Variants in LAMP3 observed in about 807,000 individuals in gnomAD.
The protein encoded by LAMP3 is lysosome-associated membrane glycoprotein 3.
Under a neutral mutation model 34.8 loss-of-function variants are expected in LAMP3, and 26 were observed. That is an observed-to-expected ratio of 0.75 (90% confidence interval 0.55 to 1.04). The LOEUF (loss-of-function observed/expected upper bound fraction) is 1.04. Among genes scored for constraint, LAMP3 ranks in the 50% least tolerant of loss-of-function variants. The pLI is 0.00. For synonymous variants in LAMP3, 180 were observed against 201.9 expected (o/e 0.89, Z 0.92); for missense variants, 495 against 524.0 (o/e 0.94, Z 0.54).
chr3:183,126,261 C>T (rs571585781), intron 5 of LAMP3, among the ~76,000 whole-genome samples: 3 of 117,840 alleles, frequency 2.5e-5, no homozygotes, highest in African/African-American at 9.7e-5. Context: ...AACAGAAGTT[C>T]CTTAAGCTCC....
chr3:183,136,544 G>T (rs1039436897), intron 4 of LAMP3, among the ~76,000 whole-genome samples: 2 of 151,904 alleles, frequency 1.3e-5, no homozygotes, highest in Non-Finnish European at 2.9e-5. Context: ...CCAGCTACTC[G>T]GGAGGCTGAG....
At chr3:183,143,353 T>G (rs1480156145) in intron 3 of LAMP3, among the ~76,000 whole-genome samples, 1 of 152,208 alleles carries the variant, frequency 6.6e-6, no homozygotes, top group Non-Finnish European at 1.5e-5. Flanking sequence ...CCTCAAGAGA[T>G]CTTCCCTACT....
intron 1 of LAMP3, 41 bp downstream of exon 1, chr3:183,162,566 A>T (rs1016139142): frequency 6.5e-7 from 1 of 1,542,788 alleles, no homozygotes; most frequent in African/African-American, 1.4e-5. Flanking sequence ...AAGGGGACCG[A>T]CACGTCAGGG....
chr3:183,125,577 A>G (rs1719760596), intron 5 of LAMP3, among the ~76,000 whole-genome samples: 1 of 152,240 alleles, frequency 6.6e-6, no homozygotes, highest in Admixed American at 6.5e-5. Context: ...TCAATTAGGA[A>G]CTATCATGAT....
rs116443375 is a variant in LAMP3, at chr3:183,151,187, C to T, written c.888+1188G>A. ...CCATTTTACAGATTGGGAAACAAGC[C>T]CCAACTCCCCTGAGATCATGCAGCT... is the stretch of plus-strand genomic sequence containing the variant. On this transcript the variant is annotated intron_variant, in intron 3 of 5. Coordinates refer to ENST00000265598, the MANE Select transcript of LAMP3 (RefSeq NM_014398.4). 6.5e-3 allele frequency among the ~76,000 whole-genome samples: 993 copies of T among 152,238 alleles called. 13 individuals carry two copies. Among genetic ancestry groups the T allele is most frequent in the African/African-American group, 0.022 (911 of 41,526 alleles).
intron 5 of LAMP3, among the ~76,000 whole-genome samples, chr3:183,134,933 G>A (rs547859621): frequency 1.7e-4 from 26 of 152,256 alleles, no homozygotes; most frequent in African/African-American, 4.3e-4. Flanking sequence ...AGAAATCCTC[G>A]TAACACTGTT....
At chr3:183,154,443 G>C (rs570382496) in intron 1 of LAMP3, 52 bp from the exon 2 acceptor site, 1 of 1,367,632 alleles carries the variant, frequency 7.3e-7, no homozygotes, top group Non-Finnish European at 1.0e-6. Flanking sequence ...TGCTTACAAG[G>C]TTCCCTCTCC....
chr3:183,140,646 A>ATAAAC, intron 3 of LAMP3, 51 bp from the exon 4 acceptor site: 1 of 1,174,302 alleles, frequency 8.5e-7, no homozygotes, highest in Non-Finnish European at 1.3e-6. Flanking sequence ...TCATATGTTT[A>ATAAAC]CAATCTTGGT....
intron 5 of LAMP3, among the ~76,000 whole-genome samples, chr3:183,126,168 T>C (rs1454926845): frequency 6.6e-6 from 1 of 152,012 alleles, no homozygotes; most frequent in East Asian, 1.9e-4. Context: ...ACAATTTAAA[T>C]ATACGTAAAA....
At chr3:183,150,279 G>A (rs932396451) in intron 3 of LAMP3, among the ~76,000 whole-genome samples, 1 of 152,194 alleles carries the variant, frequency 6.6e-6, no homozygotes, top group Non-Finnish European at 1.5e-5. Flanking sequence ...AGTTTGGTCA[G>A]AATCCAGCCC....
At chr3:183,139,408 A>G (rs1259215437) in intron 4 of LAMP3, among the ~76,000 whole-genome samples, 1 of 151,516 alleles carries the variant, frequency 6.6e-6, no homozygotes, top group African/African-American at 2.4e-5. Flanking sequence ...AAAAAAAAGA[A>G]CTTATCACTA....
intron 5 of LAMP3, among the ~76,000 whole-genome samples, chr3:183,131,189 A>C (rs1486042495): frequency 6.6e-6 from 1 of 152,210 alleles, no homozygotes; most frequent in Non-Finnish European, 1.5e-5. Flanking sequence ...GAAGGTAGGG[A>C]GGAAAATTAA....
chr3:183,153,484 A>C (rs1720720621), intron 2 of LAMP3, among the ~76,000 whole-genome samples, 198 bp downstream of exon 2: 1 of 152,202 alleles, frequency 6.6e-6, no homozygotes, highest in African/African-American at 2.4e-5. Flanking sequence ...CCTCTCTCCA[A>C]ACAGTTGCTA....
chr3:183,162,916 G>A, upstream of LAMP3: 1 of 482,528 alleles, frequency 2.1e-6, no homozygotes, highest in Non-Finnish European at 3.6e-6. Flanking sequence ...CGTGGTCCCG[G>A]CAGCGCCGGC....
chr3:183,149,257 A>G (rs915965073), intron 3 of LAMP3, among the ~76,000 whole-genome samples: 11 of 151,768 alleles, frequency 7.2e-5, no homozygotes, highest in African/African-American at 2.4e-4. Flanking sequence ...TATAGACAGA[A>G]TGGGCTGGGC....
chr3:183,159,316 G>A (rs1720908611), intron 1 of LAMP3, among the ~76,000 whole-genome samples: 1 of 152,240 alleles, frequency 6.6e-6, no homozygotes, highest in South Asian at 2.1e-4. Flanking sequence ...GGAAGAGAAT[G>A]TGTAAGGGCG....
rs1281289009 is a variant in LAMP3 at position 183,123,648 on chromosome 3, T to C, written c.*433A>G. On this transcript the variant is annotated 3_prime_UTR_variant, in exon 6 of 6. Coordinates refer to ENST00000265598, the MANE Select transcript of LAMP3 (RefSeq NM_014398.4). ...ACATGAAACCATAAAACACAGATAG[T>C]AAAAGCACTGAAAGTCCATTTGATA... 2 of 169,828 alleles carry C rather than the reference T, an allele frequency of 1.2e-5. No individual in the cohort carries two copies. Among genetic ancestry groups the C allele is most frequent in the Non-Finnish European group, 2.5e-5 (2 of 78,704 alleles). 10.5% of individuals were successfully genotyped at this position (169,828 alleles called of 1,614,324 possible).
chr3:183,155,473 TTC>T (rs1720796767), intron 1 of LAMP3, among the ~76,000 whole-genome samples: 1 of 152,232 alleles, frequency 6.6e-6, no homozygotes, highest in Admixed American at 6.5e-5. Flanking sequence ...GTCCTTTGTG[TTC>T]TGGCTTTCAT....
intron 2 of LAMP3, 72 bp downstream of exon 2, chr3:183,153,610 C>A (rs1720724181): frequency 1.9e-6 from 2 of 1,048,642 alleles, no homozygotes; most frequent in Non-Finnish European, 2.8e-6. Context: ...GTGGGGAATG[C>A]TCATTCCTAG....
Sources: allele counts gnomAD v4.1 joint callset (sites outside exome capture counted in the v4.1 genomes callset), GRCh38; gene constraint gnomAD v4.1.1; transcripts MANE v1.5; gene names NCBI Gene and HGNC (gene_info 2026-07-23, HGNC 2026-07-21).